Variants in LRRC7 observed in about 807,000 individuals in gnomAD.
The protein encoded by LRRC7 is leucine rich repeat containing 7.
LRRC7 carries 23 observed loss-of-function variants against 175.7 expected under a neutral mutation model. That is an observed-to-expected ratio of 0.13 (90% CI 0.09 to 0.19). The LOEUF is 0.19. Ranked by LOEUF, LRRC7 falls within the 10% of genes least tolerant of loss-of-function variation. The pLI is 1.00. For missense variants in LRRC7, 1,354 were observed against 1,904.7 expected (o/e 0.71, Z 5.38); for synonymous variants, 685 against 680.9 (o/e 1.01, Z -0.09).
At chr1:69,724,548 A>G (rs958160288) in intron 2 of LRRC7, among the ~76,000 whole-genome samples, 5 of 152,240 alleles carry the variant, frequency 3.3e-5, no homozygotes, top group African/African-American at 4.8e-5. Flanking sequence ...TTTGAAAAGA[A>G]GTTCTTGCTC....
chr1:69,749,402 G>A (rs368560220), intron 2 of LRRC7, among the ~76,000 whole-genome samples: 163 of 152,192 alleles, frequency 1.1e-3, no homozygotes, highest in Admixed American at 3.3e-3. Flanking sequence ...TTATAAATAT[G>A]GAACAGAAGA....
chr1:69,944,497 A>G (rs1649093195), intron 8 of LRRC7, among the ~76,000 whole-genome samples: 1 of 152,054 alleles, frequency 6.6e-6, no homozygotes, highest in Non-Finnish European at 1.5e-5. Flanking sequence ...TGAAGTCCCT[A>G]TTTCAGTTCT....
At chr1:70,095,525 C>T (rs1664323720) in intron 25 of LRRC7, among the ~76,000 whole-genome samples, 1 of 152,210 alleles carries the variant, frequency 6.6e-6, no homozygotes, top group African/African-American at 2.4e-5. Flanking sequence ...ACTCTTCACA[C>T]TCTCCTACAA....
chr1:69,853,511 T>G (rs923164953), intron 7 of LRRC7, among the ~76,000 whole-genome samples: 1 of 152,064 alleles, frequency 6.6e-6, no homozygotes, highest in Non-Finnish European at 1.5e-5. Context: ...ACTCCTGACC[T>G]TGTGATCCGC....
intron 5 of LRRC7, 30 bp downstream of exon 5, chr1:69,825,856 A>G (rs753355048): frequency 1.4e-6 from 2 of 1,394,396 alleles, no homozygotes; most frequent in African/African-American, 2.9e-5. Flanking sequence ...TTTTATTTGT[A>G]TTTATATTTC....
intron 2 of LRRC7, among the ~76,000 whole-genome samples, chr1:69,731,831 A>G (rs1172936946): frequency 6.6e-6 from 1 of 152,188 alleles, no homozygotes; most frequent in East Asian, 1.9e-4. Context: ...GTTTATAAGC[A>G]CTTATGAAAT....
intron 1 of LRRC7, among the ~76,000 whole-genome samples, chr1:69,634,816 T>A (rs528590304): frequency 1.3e-5 from 2 of 152,192 alleles, no homozygotes; most frequent in South Asian, 4.1e-4. Context: ...AGAAAGCCAG[T>A]GATCCTAATG....
At chr1:70,096,267 G>A (rs989328053) in intron 25 of LRRC7, among the ~76,000 whole-genome samples, 2 of 152,200 alleles carry the variant, frequency 1.3e-5, no homozygotes, top group Admixed American at 6.5e-5. Flanking sequence ...GTGAGCCACC[G>A]TGCTTGCCTA....
At chr1:70,111,413 C>T (rs926785767) in intron 26 of LRRC7, among the ~76,000 whole-genome samples, 1 of 152,156 alleles carries the variant, frequency 6.6e-6, no homozygotes, top group African/African-American at 2.4e-5. Context: ...ATGGAAAGAG[C>T]AACTGACCCT....
chr1:70,044,746 A>C (rs1660197065), intron 22 of LRRC7, among the ~76,000 whole-genome samples: 1 of 152,186 alleles, frequency 6.6e-6, no homozygotes, highest in Non-Finnish European at 1.5e-5. Context: ...TTCCATTGTT[A>C]AAGGAAAATT....
At chr1:69,724,106 A>G (rs527850308) in intron 2 of LRRC7, among the ~76,000 whole-genome samples, 1 of 152,328 alleles carries the variant, frequency 6.6e-6, no homozygotes, top group South Asian at 2.1e-4. Context: ...ATGACTGTTT[A>G]AAATTGAGCA....
chr1:69,919,448 C>T (rs1202590485), intron 7 of LRRC7: 15 of 971,092 alleles, frequency 1.5e-5, no homozygotes, highest in Non-Finnish European at 2.4e-5. Flanking sequence ...ATCACTAACC[C>T]CAGCCAGTGG....
At chr1:69,732,035 C>T (rs1667630810) in intron 2 of LRRC7, among the ~76,000 whole-genome samples, 1 of 151,584 alleles carries the variant, frequency 6.6e-6, no homozygotes, top group Middle Eastern at 3.4e-3. Context: ...TCTTTTATAC[C>T]AATGGAACGA....
chr1:69,801,683 T>A (rs529396263), intron 4 of LRRC7, among the ~76,000 whole-genome samples: 19 of 151,818 alleles, frequency 1.3e-4, no homozygotes, highest in African/African-American at 3.9e-4. Context: ...TTTCATTGAT[T>A]GTATTGTTTT....
At chr1:70,018,961 G>T in intron 15 of LRRC7, 143 bp downstream of exon 15, 1 of 566,818 alleles carries the variant, frequency 1.8e-6, no homozygotes, top group Admixed American at 3.1e-5. Flanking sequence ...ATCATTTGGG[G>T]ATGTACTTTA....
At chr1:69,957,061 CT>C (rs1022843000) in intron 8 of LRRC7, among the ~76,000 whole-genome samples, 6 of 151,558 alleles carry the variant, frequency 4.0e-5, no homozygotes, top group African/African-American at 1.5e-4. Context: ...TAAACATTCA[CT>C]TTTTTCATTT....
chr1:69,619,488 G>C (rs1650218165), intron 1 of LRRC7, among the ~76,000 whole-genome samples: 1 of 152,092 alleles, frequency 6.6e-6, no homozygotes, highest in South Asian at 2.1e-4. Flanking sequence ...GCACACAAAA[G>C]TACAATGGTT....
chr1:70,090,654 G>C (rs1663963085), intron 25 of LRRC7, among the ~76,000 whole-genome samples: 1 of 151,772 alleles, frequency 6.6e-6, no homozygotes. Context: ...TGCATTAACT[G>C]ACCCCATAAA....
chr1:69,606,084 C>G (rs993528303), intron 1 of LRRC7, among the ~76,000 whole-genome samples: 4 of 152,136 alleles, frequency 2.6e-5, no homozygotes, highest in Admixed American at 1.3e-4. Flanking sequence ...CTCAAACTTT[C>G]TGGACTGAAC....
Sources: allele counts gnomAD v4.1 joint callset (sites outside exome capture counted in the v4.1 genomes callset), GRCh38; gene constraint gnomAD v4.1.1; transcripts MANE v1.5; gene names NCBI Gene and HGNC (gene_info 2026-07-23, HGNC 2026-07-21).